The following PTPN5 variants were observed in gnomAD, a reference collection of about 807,000 sequenced individuals.
PTPN5 encodes tyrosine-protein phosphatase non-receptor type 5.
PTPN5 carries 29 observed loss-of-function variants against 73.9 expected under a neutral mutation model. The observed-to-expected ratio is 0.39, with a 90% CI of 0.29 to 0.54. The LOEUF (loss-of-function observed/expected upper bound fraction) is 0.54, where lower values mean the gene tolerates loss of function less well. PTPN5 is among the 20% of genes least tolerant of loss of function. The pLI is 0.65. For missense variants in PTPN5, 652 were observed against 751.4 expected, an observed-to-expected ratio of 0.87 and a Z score of 1.55; for synonymous variants, 267 against 304.7, an observed-to-expected ratio of 0.88 and a Z score of 1.29.
chr11:18,741,452 G>T (rs573001086), intron 7 of PTPN5, among the ~76,000 whole-genome samples: 5 of 152,300 alleles, frequency 3.3e-5, no homozygotes, highest in African/African-American at 1.2e-4. Flanking sequence ...GCCAAGAGTT[G>T]TCCAGGCTCT....
intron 8 of PTPN5, among the ~76,000 whole-genome samples, chr11:18,738,926 C>T (rs1204607239): frequency 2.7e-5 from 4 of 150,080 alleles, no homozygotes; most frequent in South Asian, 4.2e-4. Flanking sequence ...GAGACAAGAT[C>T]GCACCACTGC....
At chr11:18,785,974 C>G (rs1159344049) in intron 1 of PTPN5, among the ~76,000 whole-genome samples, 1 of 152,226 alleles carries the variant, frequency 6.6e-6, no homozygotes, top group Non-Finnish European at 1.5e-5. Context: ...CCCCATCCAA[C>G]ATGCTACACC....
At chr11:18,783,013 C>A (rs963381832) in intron 1 of PTPN5, among the ~76,000 whole-genome samples, 1 of 152,336 alleles carries the variant, frequency 6.6e-6, no homozygotes, top group South Asian at 2.1e-4. Flanking sequence ...GTGGGAGTAT[C>A]TTGGGACAGT....
chr11:18,771,281 C>T (rs1038524517), intron 2 of PTPN5, among the ~76,000 whole-genome samples: 1 of 152,216 alleles, frequency 6.6e-6, no homozygotes, highest in Non-Finnish European at 1.5e-5. Flanking sequence ...CAAACCTGTC[C>T]ATTCCTCCCT....
intron 3 of PTPN5, 110 bp from the exon 4 acceptor site, chr11:18,744,309 C>T (rs749205622): frequency 2.0e-4 from 178 of 910,220 alleles, no homozygotes; most frequent in Non-Finnish European, 2.6e-4. Flanking sequence ...GATCAGTCAG[C>T]GTGGCTCCAC....
chr11:18,749,957 G>T (rs1001118409), intron 3 of PTPN5, among the ~76,000 whole-genome samples: 1 of 152,126 alleles, frequency 6.6e-6, no homozygotes, highest in Non-Finnish European at 1.5e-5. Context: ...TGTGGCCAGC[G>T]GTCACAGGGA....
intron 1 of PTPN5, among the ~76,000 whole-genome samples, chr11:18,780,706 C>T (rs1377265736): frequency 2.6e-5 from 4 of 152,172 alleles, no homozygotes; most frequent in Non-Finnish European, 5.9e-5. Flanking sequence ...CCGGGCTGCT[C>T]CCTGGCTCTC....
intron 3 of PTPN5, among the ~76,000 whole-genome samples, chr11:18,764,773 C>G (rs1019529075): frequency 6.6e-6 from 1 of 152,148 alleles, no homozygotes; most frequent in Non-Finnish European, 1.5e-5. Context: ...AGTGCAGTGG[C>G]GCGATCTCGG....
intron 1 of PTPN5, among the ~76,000 whole-genome samples, chr11:18,781,567 G>A (rs939602110): frequency 2.6e-5 from 4 of 151,990 alleles, no homozygotes; most frequent in South Asian, 2.1e-4. Context: ...TGATCCACCC[G>A]CCTCGGCCTG....
chr11:18,748,840 G>A lies in PTPN5; in HGVS notation c.98-4641C>T, dbSNP rs1000106312. 2.6e-5 allele frequency among the ~76,000 whole-genome samples: 4 copies of A among 152,104 alleles called. No homozygotes were observed. The East Asian group carries it at 5.8e-4, about 22-fold the overall frequency. On this transcript the variant is annotated intron_variant, in intron 3 of 14. Coordinates refer to ENST00000358540, the MANE Select transcript of PTPN5 (RefSeq NM_006906.2). ...GCAATTCAGAAAAGTATTTACTGGG[G>A]GCCTACTTTGTCAAGCACGGGCTAG...
chr11:18,754,761 C>T (rs552368462), intron 3 of PTPN5, among the ~76,000 whole-genome samples: 2 of 152,342 alleles, frequency 1.3e-5, no homozygotes, highest in African/African-American at 2.4e-5. Context: ...CTGAGAAAGG[C>T]GTTGTTTTCC....
chr11:18,756,929 A>C (rs887692344), intron 3 of PTPN5, among the ~76,000 whole-genome samples: 2 of 148,466 alleles, frequency 1.3e-5, no homozygotes, highest in African/African-American at 2.5e-5. Context: ...ATCAAAAAAA[A>C]AAAAAAACCA....
At position 18,728,221 on chromosome 11, in the gene PTPN5, A is replaced by G. The variant is rs1848715478; in HGVS notation, c.*713T>C. 6.6e-6 allele frequency: 1 copy of G among 152,250 alleles called. No homozygotes were observed. The highest frequency in any genetic ancestry group is 1.5e-5 in the Non-Finnish European group (1 of 68,030). The allele number at this position is 152,250 out of a possible 1,614,324, so 9.4% of individuals were successfully genotyped here. Reference sequence around the variant, plus strand: ...TCACGTAGATCTGGGCTGAGTCCCCACCCAAACCTTGAGCTCCCCTCCCCT... The same window carrying G: ...TCACGTAGATCTGGGCTGAGTCCCCGCCCAAACCTTGAGCTCCCCTCCCCT... On this transcript the variant is annotated 3_prime_UTR_variant, in exon 15 of 15. Coordinates refer to ENST00000358540, the MANE Select transcript of PTPN5 (RefSeq NM_006906.2). This position sits in a 1 kb window ranked among gnomAD's most constrained non-coding sequence, Gnocchi z 4.1.
At chr11:18,736,339 T>C (rs1464757887) in intron 9 of PTPN5, among the ~76,000 whole-genome samples, 1 of 152,198 alleles carries the variant, frequency 6.6e-6, no homozygotes, top group Non-Finnish European at 1.5e-5. Flanking sequence ...ACTGCTTTGA[T>C]GCTTGGGACA....
In PTPN5 at chr11:18,785,523, T is replaced by C. The variant is rs79765544; in HGVS notation, c.-114+6002A>G. 6.6e-3 allele frequency among the ~76,000 whole-genome samples: 1,011 copies of C among 152,312 alleles called. 6 individuals are homozygous for C. The highest frequency in any genetic ancestry group is 0.023 in the African/African-American group (970 of 41,558). ...TTCATCTTACGTTTGTTCTCTAGCATGGAGTATGGTTATTTTCACAACTGT... is the reference window on the plus strand; with the variant it reads ...TTCATCTTACGTTTGTTCTCTAGCACGGAGTATGGTTATTTTCACAACTGT... On this transcript the variant is annotated intron_variant, in intron 1 of 14. Transcript: ENST00000358540.
chr11:18,766,818 T>C (rs776165789), intron 2 of PTPN5, among the ~76,000 whole-genome samples: 2 of 152,198 alleles, frequency 1.3e-5, no homozygotes, highest in African/African-American at 2.4e-5. Flanking sequence ...CAGTAGCTGA[T>C]GACTGATCCA....
chr11:18,756,119 G>A (rs2134267361), intron 3 of PTPN5, among the ~76,000 whole-genome samples: 1 of 151,994 alleles, frequency 6.6e-6, no homozygotes. Flanking sequence ...GAAGGATGCT[G>A]TATGCAAAGC....
At chr11:18,765,250 G>A (rs1472226315) in intron 3 of PTPN5, among the ~76,000 whole-genome samples, 1 of 151,926 alleles carries the variant, frequency 6.6e-6, no homozygotes, top group Non-Finnish European at 1.5e-5. Context: ...GGGTCATGGG[G>A]CTACAACTGG....
chr11:18,743,691 A>G, intron 4 of PTPN5: 1 of 582,366 alleles, frequency 1.7e-6, no homozygotes, highest in Admixed American at 3.0e-5. Context: ...TCAAAAGAGT[A>G]GTCTCCTAGA....
Sources: allele counts gnomAD v4.1 joint callset (sites outside exome capture counted in the v4.1 genomes callset), GRCh38; gene constraint gnomAD v4.1.1; non-coding constraint Gnocchi (gnomAD v3.1); transcripts MANE v1.5; gene names NCBI Gene and HGNC (gene_info 2026-07-23, HGNC 2026-07-21).